Variants in THSD4 observed in about 807,000 individuals in gnomAD.
The protein encoded by THSD4 is thrombospondin type-1 domain-containing protein 4.
THSD4 carries 69 observed loss-of-function variants against 119.0 expected under a neutral mutation model. That is an observed-to-expected ratio of 0.58 (90% CI 0.48 to 0.71). The LOEUF (loss-of-function observed/expected upper bound fraction) is 0.71. Ranked by LOEUF, THSD4 falls within the 30% of genes least tolerant of loss-of-function variation. THSD4 has a pLI of 0.00. For missense variants in THSD4, 1,393 were observed against 1,391.1 expected (o/e 1.00, Z -0.02); for synonymous variants, 524 against 540.4 (o/e 0.97, Z 0.42).
intron 7 of THSD4, among the ~76,000 whole-genome samples, chr15:71,601,446 G>C (rs2140893017): frequency 6.6e-6 from 1 of 152,276 alleles, no homozygotes; most frequent in East Asian, 1.9e-4. Context: ...CAGAAAACTG[G>C]GTGAGCATGT....
chr15:71,676,604 GCT>G, intron 8 of THSD4, among the ~76,000 whole-genome samples: 1 of 152,212 alleles, frequency 6.6e-6, no homozygotes, highest in East Asian at 1.9e-4. Context: ...TATCCCAAAA[GCT>G]GTACTCAGTA....
chr15:71,503,658 GCCACCACAGCC>G (rs1228166916), intron 7 of THSD4, among the ~76,000 whole-genome samples: 4 of 152,176 alleles, frequency 2.6e-5, no homozygotes, highest in African/African-American at 9.7e-5. Context: ...TACTCAGGGA[GCCACCACAGCC>G]CCTAGGCTGT....
intron 7 of THSD4, among the ~76,000 whole-genome samples, chr15:71,455,714 C>T (rs147845736): frequency 0.011 from 1,709 of 152,252 alleles, 11 homozygotes; most frequent in Non-Finnish European, 0.018. Context: ...TGAGAGGTAG[C>T]AGGCAGAAAT....
chr15:71,644,481 T>G (rs766682231), intron 7 of THSD4, among the ~76,000 whole-genome samples: 13 of 152,160 alleles, frequency 8.5e-5, no homozygotes, highest in Admixed American at 2.0e-4. Context: ...GAATTTGTGG[T>G]TTTTCCTAAT....
At chr15:71,522,473 G>A (rs189813644) in intron 7 of THSD4, among the ~76,000 whole-genome samples, 5 of 152,260 alleles carry the variant, frequency 3.3e-5, no homozygotes, top group East Asian at 3.9e-4. Context: ...GGGGATGAGG[G>A]AGGTCCAGGA....
chr15:71,586,396 C>G (rs1159386913), intron 7 of THSD4, among the ~76,000 whole-genome samples: 4 of 152,162 alleles, frequency 2.6e-5, no homozygotes, highest in Non-Finnish European at 5.9e-5. Flanking sequence ...ACCAGGGCAC[C>G]ACCCTCATCT....
intron 3 of THSD4, among the ~76,000 whole-genome samples, chr15:71,180,471 G>A: frequency 6.6e-6 from 1 of 152,200 alleles, no homozygotes; most frequent in Non-Finnish European, 1.5e-5. Context: ...TTGGGTGATG[G>A]ATATGTGCAT....
intron 7 of THSD4, among the ~76,000 whole-genome samples, chr15:71,496,554 A>C (rs952582048): frequency 2.0e-5 from 3 of 152,308 alleles, no homozygotes; most frequent in Non-Finnish European, 4.4e-5. Context: ...TCCAGGCAGC[A>C]AGGTAAAGAA....
rs748178011 is a variant in THSD4 at position 71,199,827 on chromosome 15, GGTGT to G, written c.100-15196_100-15193del. On this transcript the variant is annotated intron_variant, in intron 3 of 17. Transcript: ENST00000261862. ...CTGTGTGTGTGTGATGCACGTGTGG[GGTGT>G]GTGTGTGTGTGCTGTGTGTGATGCA... 8.5e-5 allele frequency among the ~76,000 whole-genome samples: 10 copies of G among 118,142 alleles called. No individual in the cohort carries two copies. The East Asian group carries it at 8.7e-4, about 10-fold the overall frequency. 77.5% of individuals were successfully genotyped at this position (118,142 alleles called of 152,430 possible).
intron 1 of THSD4, among the ~76,000 whole-genome samples, chr15:71,097,728 ATTTTT>A (rs398027839): frequency 1.4e-5 from 2 of 140,618 alleles, no homozygotes; most frequent in African/African-American, 5.4e-5. Context: ...ATATATATAT[ATTTTT>A]TTTTTTAAGT....
At chr15:71,099,575 A>T (rs2040245398) in intron 1 of THSD4, among the ~76,000 whole-genome samples, 1 of 152,106 alleles carries the variant, frequency 6.6e-6, no homozygotes, top group Non-Finnish European at 1.5e-5. Flanking sequence ...TTAATAATAA[A>T]ATTATATTCC....
chr15:71,591,473 C>T (rs536428023), intron 7 of THSD4, among the ~76,000 whole-genome samples: 5 of 152,372 alleles, frequency 3.3e-5, no homozygotes, highest in African/African-American at 9.6e-5. Flanking sequence ...TATACCGATC[C>T]TCTTGGCTGA....
chr15:71,164,780 T>C, intron 3 of THSD4: 1 of 1,595,054 alleles, frequency 6.3e-7, no homozygotes, highest in South Asian at 1.1e-5. Context: ...TTATTCATCA[T>C]CATCATCTTC....
intron 4 of THSD4, among the ~76,000 whole-genome samples, chr15:71,225,633 C>T (rs11072262): frequency 0.51 from 75,464 of 148,858 alleles, 19,774 homozygotes; most frequent in Admixed American, 0.62. Flanking sequence ...CTGCAACCTC[C>T]GCCTCCCGAG....
Position 71,620,553 on chromosome 15 carries a change from T to C in THSD4, c.1153-39977T>C, listed in dbSNP as rs556433410. On this transcript the variant is annotated intron_variant, in intron 7 of 17. Coordinates refer to ENST00000261862, the MANE Select transcript of THSD4 (RefSeq NM_024817.3). ...CCAGGAATTCAAGGCCAACTTTTTG[T>C]CTGATGATATGTCATTAGCAGGGCA... Among the ~76,000 whole-genome samples the C allele has an allele frequency of 2.0e-5, 3 of 152,272 alleles. No homozygotes were observed. In the East Asian group the frequency reaches 5.8e-4, roughly 29 times the overall value.
chr15:71,682,213 C>T (rs539879505), intron 8 of THSD4, among the ~76,000 whole-genome samples: 46 of 152,350 alleles, frequency 3.0e-4, no homozygotes, highest in African/African-American at 1.1e-3. Flanking sequence ...TGTTTAAGTG[C>T]CAAAAGCCTA....
chr15:71,374,319 C>G (rs909453534), intron 6 of THSD4, among the ~76,000 whole-genome samples: 51 of 152,126 alleles, frequency 3.4e-4, no homozygotes, highest in African/African-American at 1.2e-3. Flanking sequence ...TCCCATCTGT[C>G]GAGCACTCAG....
At chr15:71,197,730 G>A (rs1419962607) in intron 3 of THSD4, among the ~76,000 whole-genome samples, 1 of 152,106 alleles carries the variant, frequency 6.6e-6, no homozygotes, top group Non-Finnish European at 1.5e-5. Flanking sequence ...GGTCGCATCT[G>A]CTGCCCCCAC....
At chr15:71,684,298 A>G (rs1289781342) in intron 8 of THSD4, among the ~76,000 whole-genome samples, 2 of 152,144 alleles carry the variant, frequency 1.3e-5, no homozygotes, top group Non-Finnish European at 2.9e-5. Flanking sequence ...TTCTAGTGAT[A>G]TAATCATACC....
Sources: allele counts gnomAD v4.1 joint callset (sites outside exome capture counted in the v4.1 genomes callset), GRCh38; gene constraint gnomAD v4.1.1; transcripts MANE v1.5; gene names NCBI Gene and HGNC (gene_info 2026-07-23, HGNC 2026-07-21).